MYRIP: variants seen among roughly 807,000 people sequenced by gnomAD.
The protein encoded by MYRIP is rab effector MyRIP.
In MYRIP, 49 loss-of-function variants were observed where a neutral mutation model predicts 98.0. The ratio of observed to expected loss-of-function variants is 0.50; its 90% CI spans 0.40 to 0.63. The LOEUF (loss-of-function observed/expected upper bound fraction) is 0.63. Ranked by LOEUF, MYRIP falls within the 30% of genes least tolerant of loss-of-function variation. The probability of loss-of-function intolerance (pLI) is 0.00; values close to 1 mark genes in which losing one functional copy is unlikely to be tolerated. For missense variants in MYRIP, 1,004 were observed against 1,058.2 expected (o/e 0.95, Z 0.71); for synonymous variants, 404 against 409.5 (o/e 0.99, Z 0.16).
intron 3 of MYRIP, among the ~76,000 whole-genome samples, chr3:40,129,712 C>T (rs1393266247): frequency 6.6e-6 from 1 of 152,138 alleles, no homozygotes; most frequent in Non-Finnish European, 1.5e-5. Flanking sequence ...CAGTGCCCTA[C>T]TGTGTTGGGG....
chr3:39,858,892 T>A (rs1371639472), intron 1 of MYRIP, among the ~76,000 whole-genome samples: 2 of 151,964 alleles, frequency 1.3e-5, no homozygotes, highest in African/African-American at 4.8e-5. Context: ...TAAAAGCAGT[T>A]CTGAGAGGGA....
At chr3:40,026,102 G>A (rs976109086) in intron 2 of MYRIP, among the ~76,000 whole-genome samples, 58 of 152,004 alleles carry the variant, frequency 3.8e-4, no homozygotes, top group Non-Finnish European at 6.3e-4. Flanking sequence ...TATCTCAGCC[G>A]CATAAGATAG....
chr3:39,946,906 G>T (rs1326511242), intron 2 of MYRIP, among the ~76,000 whole-genome samples: 1 of 152,150 alleles, frequency 6.6e-6, no homozygotes, highest in Non-Finnish European at 1.5e-5. Context: ...CCCACTAGAA[G>T]ATTCTAAACA....
intron 2 of MYRIP, among the ~76,000 whole-genome samples, chr3:39,984,609 C>T (rs1184170082): frequency 6.6e-6 from 1 of 152,162 alleles, no homozygotes; most frequent in Non-Finnish European, 1.5e-5. Context: ...CCCACATTTT[C>T]TTAATCCAGT....
chr3:39,886,588 A>G (rs1369163612), intron 1 of MYRIP, among the ~76,000 whole-genome samples: 3 of 151,970 alleles, frequency 2.0e-5, no homozygotes, highest in African/African-American at 7.3e-5. Context: ...AAAAGAGACA[A>G]AAAAGGCCAT....
intron 2 of MYRIP, among the ~76,000 whole-genome samples, chr3:39,990,396 T>G (rs1214022809): frequency 6.6e-6 from 1 of 152,206 alleles, no homozygotes; most frequent in African/African-American, 2.4e-5. Context: ...AAGGGGAGCC[T>G]CTGATTGCCA....
chr3:39,923,568 A>C (rs1483835301), intron 2 of MYRIP, among the ~76,000 whole-genome samples: 1 of 152,130 alleles, frequency 6.6e-6, no homozygotes, highest in African/African-American at 2.4e-5. Context: ...TTGTGAAAAT[A>C]TTCTTTAGGA....
chr3:39,897,008 GCTT>G (rs963192475), intron 1 of MYRIP, among the ~76,000 whole-genome samples: 1 of 152,048 alleles, frequency 6.6e-6, no homozygotes, highest in African/African-American at 2.4e-5. Context: ...TCCATCATCA[GCTT>G]CTTCTGAAGC....
intron 2 of MYRIP, among the ~76,000 whole-genome samples, chr3:40,035,153 G>A (rs895969160): frequency 6.0e-5 from 9 of 151,106 alleles, no homozygotes; most frequent in Non-Finnish European, 1.2e-4. Context: ...CAGCACACCA[G>A]CATGGCACAT....
At chr3:39,874,291 G>C (rs539660011) in intron 1 of MYRIP, among the ~76,000 whole-genome samples, 85 of 152,148 alleles carry the variant, frequency 5.6e-4, no homozygotes, top group African/African-American at 1.9e-3. Context: ...TGCAAACAGG[G>C]ACAATTTGAC....
chr3:40,029,296 G>T (rs2125816226), intron 2 of MYRIP, among the ~76,000 whole-genome samples: 1 of 152,260 alleles, frequency 6.6e-6, no homozygotes, highest in South Asian at 2.1e-4. Context: ...CCAAGTGTAT[G>T]TATATATTTT....
chr3:39,934,443 G>A (rs1343040062), intron 2 of MYRIP, among the ~76,000 whole-genome samples: 1 of 152,118 alleles, frequency 6.6e-6, no homozygotes, highest in Non-Finnish European at 1.5e-5. Flanking sequence ...AGACGAGTCT[G>A]GGACCCAGGC....
intron 2 of MYRIP, among the ~76,000 whole-genome samples, chr3:39,998,320 C>T (rs1192496100): frequency 1.3e-5 from 2 of 152,180 alleles, no homozygotes; most frequent in African/African-American, 4.8e-5. Flanking sequence ...AGCTGATAGG[C>T]AACTTCAGCA....
intron 4 of MYRIP, among the ~76,000 whole-genome samples, chr3:40,154,623 T>C (rs748035555): frequency 1.3e-5 from 2 of 152,164 alleles, no homozygotes; most frequent in Non-Finnish European, 2.9e-5. Context: ...ATGTGTGCCA[T>C]GGTGGTTTTC....
chr3:39,816,078 C>CTTTTTTTTTTTTTT (rs11382431), intron 1 of MYRIP, among the ~76,000 whole-genome samples: 1 of 143,228 alleles, frequency 7.0e-6, no homozygotes, highest in Non-Finnish European at 1.5e-5. Flanking sequence ...TTCTTTTTTT[C>CTTTTTTTTTTTTTT]TTTTTTTTTT....
intron 2 of MYRIP, among the ~76,000 whole-genome samples, chr3:39,930,328 C>T (rs1944506460): frequency 6.6e-6 from 1 of 151,904 alleles, no homozygotes; most frequent in Admixed American, 6.6e-5. Context: ...GGCTTATTGG[C>T]CATTTGTGTA....
intron 3 of MYRIP, among the ~76,000 whole-genome samples, chr3:40,134,775 T>A (rs1297111978): frequency 6.6e-6 from 1 of 152,180 alleles, no homozygotes; most frequent in Non-Finnish European, 1.5e-5. Context: ...GCAAACAGGA[T>A]CTGGAGTGGA....
At chr3:39,896,778 A>T (rs1943620015) in intron 1 of MYRIP, among the ~76,000 whole-genome samples, 1 of 152,214 alleles carries the variant, frequency 6.6e-6, no homozygotes, top group African/African-American at 2.4e-5. Flanking sequence ...GTACTTTAAT[A>T]GAATATCACT....
At chr3:39,877,074 C>T (rs1185392404) in intron 1 of MYRIP, among the ~76,000 whole-genome samples, 8 of 152,164 alleles carry the variant, frequency 5.3e-5, no homozygotes, top group Non-Finnish European at 1.2e-4. Context: ...CTTCCCTTCT[C>T]GCTTCATTTC....
Sources: gnomAD v4.1 joint callset for allele counts (sites outside exome capture counted in the v4.1 genomes callset) on GRCh38, gnomAD v4.1.1 for gene constraint, MANE v1.5 for transcripts, NCBI Gene and HGNC (gene_info 2026-07-23, HGNC 2026-07-21) for gene names.